The following POU3F3 variants were observed in gnomAD, a reference collection of about 807,000 sequenced individuals.
POU3F3 encodes the protein POU domain, class 3, transcription factor 3.
POU3F3 carries 1 observed loss-of-function variant against 8.6 expected under a neutral mutation model. The ratio of observed to expected loss-of-function variants is 0.12; its 90% CI spans 0.04 to 0.55. The LOEUF (loss-of-function observed/expected upper bound fraction) is 0.55, where lower values mean the gene tolerates loss of function less well. Ranked by LOEUF, POU3F3 falls within the 20% of genes least tolerant of loss-of-function variation. The probability of loss-of-function intolerance (pLI) is 0.91; values close to 1 mark genes in which losing one functional copy is unlikely to be tolerated. For missense variants in POU3F3, 577 were observed against 690.7 expected (o/e 0.84, Z 1.84); for synonymous variants, 418 against 327.4 (o/e 1.28, Z -2.99).
At chr2:104,863,189 T>TATG (rs1676686786), downstream of POU3F3, among the ~76,000 whole-genome samples, 2 of 146,842 alleles carry the variant, frequency 1.4e-5, no homozygotes, top group African/African-American at 4.9e-5. Flanking sequence ...TTATTATTAT[T>TATG]ATTATTATTA....
the POU3F3 span, among the ~76,000 whole-genome samples, chr2:104,875,092 A>G: frequency 9.2e-5 from 14 of 152,104 alleles, no homozygotes; most frequent in Non-Finnish European, 1.8e-4. Flanking sequence ...ATCACACAAT[A>G]CTCATCTTTT....
Position 104,855,721 on chromosome 2 carries a change from A to G in POU3F3, c.211A>G (p.Lys71Glu). ...CTACCGGGGGGACCCGTCCTCTGTC[A>G]AGATGGTCCAGAGCGACTTCATGCA... ...GAYRGDPSSV[K>E]MVQSDFMQGA... The change falls in exon 1 of 1, where the codon AAG (lysine) becomes GAG (glutamate). Residue 71 changes from lysine (K) to glutamate (E), a missense_variant. Coordinates refer to ENST00000361360, the MANE Select transcript of POU3F3 (RefSeq NM_006236.3). The G allele has an allele frequency of 7.9e-7, 1 of 1,266,566 alleles. No individual in the cohort carries two copies. The highest frequency in any genetic ancestry group is 1.0e-6 in the Non-Finnish European group (1 of 982,118). 78.5% of individuals were successfully genotyped at this position (1,266,566 alleles called of 1,614,324 possible). A position where few individuals can be genotyped will look rare whatever the true frequency, so the allele number is the denominator to read the frequency against.
chr2:104,919,400 C>T, the POU3F3 span, among the ~76,000 whole-genome samples: 1 of 152,184 alleles, frequency 6.6e-6, no homozygotes, highest in African/African-American at 2.4e-5. Context: ...GTCCAGCTTT[C>T]AGAGCCCATT....
chr2:104,911,319 C>G, the POU3F3 span, among the ~76,000 whole-genome samples: 2 of 149,872 alleles, frequency 1.3e-5, no homozygotes, highest in African/African-American at 4.9e-5. Context: ...GAGGCTGAGG[C>G]AGACAGAATT....
downstream of POU3F3, among the ~76,000 whole-genome samples, chr2:104,862,010 C>T (rs1392411970): frequency 6.6e-6 from 1 of 152,202 alleles, no homozygotes; most frequent in Non-Finnish European, 1.5e-5. Context: ...GTGGGGGCAG[C>T]GGAGATAGCA....
At chr2:104,898,139 G>A in the POU3F3 span, among the ~76,000 whole-genome samples, 1 of 152,124 alleles carries the variant, frequency 6.6e-6, no homozygotes, top group Non-Finnish European at 1.5e-5. Flanking sequence ...TTAAGAAGAG[G>A]CCGGAGAGCC....
chr2:104,861,075 T>C (rs1049346092), downstream of POU3F3, among the ~76,000 whole-genome samples: 1 of 152,304 alleles, frequency 6.6e-6, no homozygotes, highest in Non-Finnish European at 1.5e-5. Context: ...AACAATATAT[T>C]GTTGTATTTA....
At chr2:104,922,489 C>T in the POU3F3 span, among the ~76,000 whole-genome samples, 1 of 148,766 alleles carries the variant, frequency 6.7e-6, no homozygotes, top group African/African-American at 2.5e-5. Context: ...ACCAAAAAGA[C>T]ATTCTGGAGC....
the POU3F3 span, among the ~76,000 whole-genome samples, chr2:104,895,567 A>C: frequency 6.6e-6 from 1 of 152,230 alleles, no homozygotes; most frequent in Non-Finnish European, 1.5e-5. Context: ...AAATGCAGTA[A>C]TTAACATGCA....
the POU3F3 span, among the ~76,000 whole-genome samples, chr2:104,902,837 A>G: frequency 6.6e-6 from 1 of 152,218 alleles, no homozygotes; most frequent in African/African-American, 2.4e-5. Context: ...ATTCTCCACT[A>G]AAGAAATAAC....
At position 104,854,410 on chromosome 2, in the gene POU3F3, C is replaced by T. The variant is rs1676506199; in HGVS notation, c.-1101C>T. Among the ~76,000 whole-genome samples, 1 of 152,186 alleles carries T rather than the reference C, an allele frequency of 6.6e-6. No individual in the cohort carries two copies. The highest frequency in any genetic ancestry group is 1.5e-5 in the Non-Finnish European group (1 of 68,036). On this transcript the variant is annotated 5_prime_UTR_variant, in exon 1 of 1. Transcript: ENST00000361360. This position sits in a 1 kb window ranked among gnomAD's most constrained non-coding sequence, Gnocchi z 4.5. Reference sequence around the variant, plus strand: ...ACACACACCTCCACCTCCACCAATGCACTCTTCTTCCTCCTCCTTCTCCAG... The same window carrying T: ...ACACACACCTCCACCTCCACCAATGTACTCTTCTTCCTCCTCCTTCTCCAG...
downstream of POU3F3, among the ~76,000 whole-genome samples, chr2:104,860,990 A>G (rs1303139592): frequency 6.6e-6 from 1 of 151,820 alleles, no homozygotes; most frequent in African/African-American, 2.4e-5. Context: ...GATAAGTGTA[A>G]TATTTTAAAT....
rs1296311406 is a variant in POU3F3, at chr2:104,854,167, G to A, written c.-1344G>A. On this transcript the variant is annotated 5_prime_UTR_variant, in exon 1 of 1. Coordinates refer to ENST00000361360, the MANE Select transcript of POU3F3 (RefSeq NM_006236.3). This position sits in a 1 kb window ranked among gnomAD's most constrained non-coding sequence, Gnocchi z 4.5. ...GGGACAGAGAGCGAACTGTCAGATC[G>A]GAGCGAGAGCGGGCGCCCGAGAGAG... Among the ~76,000 whole-genome samples the A allele has an allele frequency of 6.6e-6, 1 of 152,132 alleles. No individual in the cohort carries two copies. Among genetic ancestry groups the A allele is most frequent in the African/African-American group, 2.4e-5 (1 of 41,442 alleles).
At chr2:104,908,188 A>G in the POU3F3 span, among the ~76,000 whole-genome samples, 9 of 152,150 alleles carry the variant, frequency 5.9e-5, no homozygotes, top group Admixed American at 5.2e-4. Context: ...TGCCATTTCT[A>G]TTTACCAATA....
chr2:104,895,365 A>G, the POU3F3 span, among the ~76,000 whole-genome samples: 3 of 152,180 alleles, frequency 2.0e-5, no homozygotes, highest in Non-Finnish European at 4.4e-5. Context: ...CGGATGCTGT[A>G]ATTTACAGGA....
chr2:104,859,857 A>G (rs1676634625), downstream of POU3F3, among the ~76,000 whole-genome samples: 2 of 151,988 alleles, frequency 1.3e-5, no homozygotes, highest in African/African-American at 2.4e-5. Context: ...TGCTGCTGTA[A>G]TCCCTATGCC....
the POU3F3 span, among the ~76,000 whole-genome samples, chr2:104,926,977 A>G: frequency 6.6e-6 from 1 of 152,174 alleles, no homozygotes; most frequent in Non-Finnish European, 1.5e-5. Context: ...TAGGGGAGGG[A>G]TAGCATTAGA....
the POU3F3 span, among the ~76,000 whole-genome samples, chr2:104,892,105 G>A: frequency 6.6e-6 from 1 of 152,308 alleles, no homozygotes; most frequent in South Asian, 2.1e-4. Context: ...GAGACCTGGA[G>A]ACCTGAGCAG....
At chr2:104,891,570 G>A in the POU3F3 span, among the ~76,000 whole-genome samples, 3 of 152,102 alleles carry the variant, frequency 2.0e-5, no homozygotes, top group Non-Finnish European at 2.9e-5. Context: ...GTGATAGAAG[G>A]GTTTGAAGGC....
Sources: allele counts gnomAD v4.1 joint callset (sites outside exome capture counted in the v4.1 genomes callset), GRCh38; gene constraint gnomAD v4.1.1; non-coding constraint Gnocchi (gnomAD v3.1); transcripts MANE v1.5; gene names NCBI Gene and HGNC (gene_info 2026-07-23, HGNC 2026-07-21).